Variants in FRMPD4 observed in about 807,000 individuals in gnomAD.
FRMPD4 encodes FERM and PDZ domain containing 4, also known as FERM and PDZ domain-containing protein 4.
FRMPD4 carries 22 observed loss-of-function variants against 94.1 expected under a neutral mutation model. That is an observed-to-expected ratio of 0.23 (90% confidence interval 0.17 to 0.33). FRMPD4 has a LOEUF of 0.33. Ranked by LOEUF, FRMPD4 falls within the 10% of genes least tolerant of loss-of-function variation. FRMPD4 has a pLI of 1.00. For missense variants in FRMPD4, 1,111 were observed against 1,339.9 expected (o/e 0.83, Z 2.67); for synonymous variants, 631 against 548.6 (o/e 1.15, Z -2.10).
intron 1 of FRMPD4, among the ~76,000 whole-genome samples, chrX:12,230,887 C>G (rs1401878197): frequency 1.2e-5 from 1 of 84,796 alleles, no homozygotes; most frequent in African/African-American, 4.4e-5. Context: ...ATAATATATA[C>G]TATATATATA....
intron 1 of FRMPD4, among the ~76,000 whole-genome samples, chrX:12,144,550 C>G (rs1364141645): frequency 9.1e-6 from 1 of 109,350 alleles, no homozygotes; most frequent in African/African-American, 3.3e-5. Flanking sequence ...GATAAATAGT[C>G]TATACTAAAT....
chrX:12,274,214 G>T (rs151074802), intron 1 of FRMPD4, among the ~76,000 whole-genome samples: 8 of 110,552 alleles, frequency 7.2e-5, no homozygotes, highest in African/African-American at 2.3e-4. Context: ...ATAAAATCAG[G>T]CACAAATCCA....
At chrX:12,565,186 A>G (rs1430046307) in intron 2 of FRMPD4, among the ~76,000 whole-genome samples, 6 of 111,978 alleles carry the variant, frequency 5.4e-5, no homozygotes, top group Non-Finnish European at 1.9e-5. Context: ...ATAAAAATTA[A>G]TAAGACAGAG....
At chrX:11,942,294 C>T (rs1601848308) in intron 3 of FRMPD4, among the ~76,000 whole-genome samples, 2 of 99,950 alleles carry the variant, frequency 2.0e-5, no homozygotes, top group East Asian at 6.3e-4. Flanking sequence ...AGGCTAGTCT[C>T]GAACTCCTGT....
At chrX:12,292,290 A>G (rs1298939167) in intron 1 of FRMPD4, among the ~76,000 whole-genome samples, 1 of 111,938 alleles carries the variant, frequency 8.9e-6, no homozygotes, top group African/African-American at 3.2e-5. Context: ...TACGAACTGA[A>G]AAGTGTTGTT....
Position 12,722,209 on chromosome X carries a change from A to G in FRMPD4, c.*351A>G, listed in dbSNP as rs979134628. On this transcript the variant is annotated 3_prime_UTR_variant, in exon 17 of 17. Coordinates refer to ENST00000675598, the MANE Select transcript of FRMPD4 (RefSeq NM_001368397.1). Reference sequence around the variant, plus strand: ...TTTCTTTCCAAGTAGCTACTTGGAAACCATATCATTCATATTTAGAAGTAA... The same window carrying G: ...TTTCTTTCCAAGTAGCTACTTGGAAGCCATATCATTCATATTTAGAAGTAA... The G allele has an allele frequency of 2.7e-5, 3 of 111,231 alleles. No homozygotes were observed. The East Asian group carries it at 8.4e-4, about 31-fold the overall frequency. The allele number at this position is 111,231 out of a possible 1,213,427, so 9.2% of individuals were successfully genotyped here.
chrX:11,825,269 G>C (rs1341549111), intron 1 of FRMPD4, among the ~76,000 whole-genome samples: 2 of 99,635 alleles, frequency 2.0e-5, no homozygotes, highest in Non-Finnish European at 4.0e-5. Flanking sequence ...CCTAATTGTA[G>C]TAAAAAAAAA....
chrX:12,491,088 G>A (rs1406769363), intron 1 of FRMPD4, among the ~76,000 whole-genome samples: 1 of 110,776 alleles, frequency 9.0e-6, no homozygotes, highest in Non-Finnish European at 1.9e-5. Context: ...CACCAGCACT[G>A]TATGTTTTCA....
intron 3 of FRMPD4, among the ~76,000 whole-genome samples, chrX:12,049,887 GAAAA>G (rs2054807544): frequency 9.0e-6 from 1 of 110,978 alleles, no homozygotes; most frequent in Admixed American, 9.6e-5. Flanking sequence ...AGTTTAAAAA[GAAAA>G]CAGTATTAAA....
In FRMPD4 at chrX:12,312,239, C is replaced by CTTTTTTT. The variant is rs200625685; in HGVS notation, c.41+173251_41+173257dup. On this transcript the variant is annotated intron_variant, in intron 1 of 16. Transcript: ENST00000675598. Reference sequence around the variant, plus strand: ...CTTCCTTTTCAACTCTGCTCCATTACTTTTTTTTTTTTTTTTTTTTTTTTT... The same window carrying CTTTTTTT: ...CTTCCTTTTCAACTCTGCTCCATTACTTTTTTTTTTTTTTTTTTTTTTTTTTTTTTTT... 9.1e-4 allele frequency among the ~76,000 whole-genome samples: 56 copies of CTTTTTTT among 61,515 alleles called. 10 individuals carry two copies. The highest frequency in any genetic ancestry group is 0.023 in the Middle Eastern group (2 of 86). 53.4% of individuals were successfully genotyped at this position (61,515 alleles called of 115,157 possible). A position where few individuals can be genotyped will look rare whatever the true frequency, so the allele number is the denominator to read the frequency against.
At chrX:11,879,711 A>G (rs1384801256) in intron 3 of FRMPD4, among the ~76,000 whole-genome samples, 3 of 111,813 alleles carry the variant, frequency 2.7e-5, no homozygotes, top group African/African-American at 6.5e-5. Context: ...AGAAACCATT[A>G]TTATCACTTC....
upstream of FRMPD4, among the ~76,000 whole-genome samples, chrX:12,136,924 CAT>C (rs1491299157): frequency 6.6e-3 from 685 of 104,473 alleles, no homozygotes; most frequent in East Asian, 0.027. Flanking sequence ...CACACACACA[CAT>C]ACACACACAC....
intron 1 of FRMPD4, among the ~76,000 whole-genome samples, chrX:12,331,668 A>AATTATATATTATATATTTATATAT (rs2055381243): frequency 4.0e-5 from 3 of 75,721 alleles, no homozygotes; most frequent in East Asian, 3.8e-4. Context: ...TAATATATAA[A>AATTATATATTATATATTTATATAT]TATATAAATT....
intron 2 of FRMPD4, among the ~76,000 whole-genome samples, chrX:11,874,370 G>C (rs779920013): frequency 4.5e-5 from 5 of 111,888 alleles, no homozygotes; most frequent in African/African-American, 6.5e-5. Context: ...GGCTGGTCTC[G>C]AACTCCTGGG....
chrX:12,113,472 A>G (rs950674465), intron 3 of FRMPD4, among the ~76,000 whole-genome samples: 1 of 111,508 alleles, frequency 9.0e-6, no homozygotes, highest in African/African-American at 3.3e-5. Context: ...GGCTACCCAC[A>G]TTCCTTGGCT....
At chrX:12,647,011 A>G (rs1256843337) in intron 4 of FRMPD4, among the ~76,000 whole-genome samples, 1 of 111,950 alleles carries the variant, frequency 8.9e-6, no homozygotes, top group African/African-American at 3.2e-5. Flanking sequence ...ATAACGTTAT[A>G]CATAGGCTCC....
intron 1 of FRMPD4, among the ~76,000 whole-genome samples, chrX:12,314,022 T>C (rs934588141): frequency 7.1e-5 from 8 of 112,615 alleles, no homozygotes; most frequent in Non-Finnish European, 1.5e-4. Flanking sequence ...CAGTAAGTGA[T>C]GTTAAAACTG....
chrX:12,033,281 A>G (rs2054702307), intron 3 of FRMPD4, among the ~76,000 whole-genome samples: 1 of 111,836 alleles, frequency 8.9e-6, no homozygotes, highest in African/African-American at 3.3e-5. Flanking sequence ...GATCTGGAGA[A>G]AATAGTAGAG....
At chrX:12,440,759 G>A (rs1164472763) in intron 1 of FRMPD4, among the ~76,000 whole-genome samples, 1 of 110,660 alleles carries the variant, frequency 9.0e-6, no homozygotes, top group Non-Finnish European at 1.9e-5. Context: ...ACTTGGAAAG[G>A]ACACCAACTG....
Sources: allele counts gnomAD v4.1 joint callset (sites outside exome capture counted in the v4.1 genomes callset), GRCh38; gene constraint gnomAD v4.1.1; transcripts MANE v1.5; gene names NCBI Gene and HGNC (gene_info 2026-07-23, HGNC 2026-07-21).